The following PLAG1 variants were observed in gnomAD, a reference collection of about 807,000 sequenced individuals.
The protein encoded by PLAG1 is PLAG1 zinc finger, also known as zinc finger protein PLAG1.
PLAG1 carries 7 observed loss-of-function variants against 35.5 expected under a neutral mutation model. That is an observed-to-expected ratio of 0.20 (90% CI 0.11 to 0.37). The LOEUF (loss-of-function observed/expected upper bound fraction) is 0.37, where lower values mean the gene tolerates loss of function less well. Among genes scored for constraint, PLAG1 ranks in the 10% least tolerant of loss-of-function variants. PLAG1 has a pLI of 1.00. For synonymous variants in PLAG1, 229 were observed against 225.4 expected, an observed-to-expected ratio of 1.02 and a Z score of -0.14; for missense variants, 454 against 602.8, an observed-to-expected ratio of 0.75 and a Z score of 2.58.
rs938511819 is a variant in PLAG1 at position 56,181,659 on chromosome 8, G to A, written c.-321-2146C>T. ...TGGGTGCAACAAACCACCATAGCAC[G>A]TGTATACCTATGTAACAAACCTGCA... On this transcript the variant is annotated intron_variant, in intron 1 of 4. Transcript: ENST00000316981. Among the ~76,000 whole-genome samples the A allele has an allele frequency of 2.6e-5, 4 of 152,072 alleles. No homozygotes were observed. In the South Asian group the frequency reaches 6.2e-4, roughly 24 times the overall value.
chr8:56,167,635 T>C lies in PLAG1; in HGVS notation c.243-132A>G. ...AATGGAAACTGTTTAACTTAATATA[T>C]ACCACGAGGATAGTTAATATACCTA... On this transcript the variant is annotated intron_variant, in intron 4 of 4. Coordinates refer to ENST00000316981, the MANE Select transcript of PLAG1 (RefSeq NM_002655.3). The surrounding 1 kb of genome is among the most constrained non-coding windows in gnomAD (Gnocchi z 5.9). 1 of 643,268 alleles carries C rather than the reference T, an allele frequency of 1.6e-6. No individual in the cohort carries two copies. Among genetic ancestry groups the C allele is most frequent in the Non-Finnish European group, 2.7e-6 (1 of 377,046 alleles). 39.8% of individuals were successfully genotyped at this position (643,268 alleles called of 1,614,324 possible).
intron 2 of PLAG1, among the ~76,000 whole-genome samples, chr8:56,179,006 G>C (rs896238237): frequency 8.0e-5 from 10 of 125,160 alleles, no homozygotes; most frequent in Non-Finnish European, 1.6e-4. Context: ...ATAGGTAATA[G>C]GATCCCGCCC....
At chr8:56,196,386 A>G (rs1812366544) in intron 1 of PLAG1, among the ~76,000 whole-genome samples, 1 of 152,184 alleles carries the variant, frequency 6.6e-6, no homozygotes, top group Non-Finnish European at 1.5e-5. Context: ...AGAACCGGAT[A>G]TATGAGTGTG....
chr8:56,168,965 GT>G (rs1393568228), intron 3 of PLAG1, among the ~76,000 whole-genome samples: 3 of 152,186 alleles, frequency 2.0e-5, no homozygotes, highest in African/African-American at 7.2e-5. Context: ...CATTATACCA[GT>G]GTCATCATAC....
chr8:56,169,560 A>G (rs1434831852), intron 3 of PLAG1, among the ~76,000 whole-genome samples: 2 of 152,072 alleles, frequency 1.3e-5, no homozygotes, highest in Non-Finnish European at 2.9e-5. Flanking sequence ...TTCTTTTGAG[A>G]CAGAGTCTCA....
In PLAG1 at chr8:56,162,518, T is replaced by C. The variant is rs1811232516; in HGVS notation, c.*3725A>G. The C allele has an allele frequency of 1.4e-5, 3 of 213,342 alleles. No homozygotes were observed. The Admixed American group carries it at 1.8e-4, about 12-fold the overall frequency. The allele number at this position is 213,342 out of a possible 1,614,324, so 13.2% of individuals were successfully genotyped here. A position where few individuals can be genotyped will look rare whatever the true frequency, so the allele number is the denominator to read the frequency against. On this transcript the variant is annotated 3_prime_UTR_variant, in exon 5 of 5. Transcript: ENST00000316981. ...GCATTATATATCAAAGGCCTACATA[T>C]ATATCATCTAATGGCACTTGAATTA...
intron 2 of PLAG1, chr8:56,177,907 G>A: frequency 4.6e-6 from 1 of 218,320 alleles, no homozygotes; most frequent in Non-Finnish European, 7.8e-6. Context: ...GTGTCCCCAG[G>A]AGAGGCGTCA....
intron 1 of PLAG1, among the ~76,000 whole-genome samples, chr8:56,187,405 C>G (rs563469722): frequency 6.6e-6 from 1 of 152,202 alleles, no homozygotes; most frequent in African/African-American, 2.4e-5. Flanking sequence ...AGGCAAGAAT[C>G]AGAACTAGGC....
chr8:56,208,426 C>T (rs1289857098), intron 1 of PLAG1, among the ~76,000 whole-genome samples: 2 of 152,006 alleles, frequency 1.3e-5, no homozygotes, highest in Non-Finnish European at 2.9e-5. Flanking sequence ...TCAGAAACCA[C>T]AAGATGATGT....
At chr8:56,176,405 A>G (rs545412920) in intron 2 of PLAG1, among the ~76,000 whole-genome samples, 72 of 76,118 alleles carry the variant, frequency 9.5e-4, no homozygotes, top group South Asian at 3.9e-3. Flanking sequence ...TTCAACTGCT[A>G]TTTGGGGTGG....
rs1188983584 is a variant in PLAG1, at chr8:56,164,360, C to T, written c.*1883G>A. 4.6e-6 allele frequency: 1 copy of T among 217,876 alleles called. No homozygotes were observed. Among genetic ancestry groups the T allele is most frequent in the Non-Finnish European group, 9.2e-6 (1 of 108,314 alleles). 13.5% of individuals were successfully genotyped at this position (217,876 alleles called of 1,614,324 possible). ...TGTATTATATATATATATTGAAGCC[C>T]CCATTTACATTATTACAATTTACAT... is the stretch of plus-strand genomic sequence containing the variant. On this transcript the variant is annotated 3_prime_UTR_variant, in exon 5 of 5. Transcript: ENST00000316981.
chr8:56,173,129 C>T (rs1024402502), intron 2 of PLAG1, among the ~76,000 whole-genome samples: 1 of 152,056 alleles, frequency 6.6e-6, no homozygotes, highest in African/African-American at 2.4e-5. Context: ...TGTTCAATGA[C>T]ATTTTACAAT....
chr8:56,204,363 C>T (rs188688850), intron 1 of PLAG1, among the ~76,000 whole-genome samples: 10 of 151,476 alleles, frequency 6.6e-5, no homozygotes, highest in African/African-American at 9.7e-5. Context: ...AAAATCCAAC[C>T]GGTGTTATTT....
At chr8:56,206,548 T>C (rs1812707144) in intron 1 of PLAG1, among the ~76,000 whole-genome samples, 1 of 152,014 alleles carries the variant, frequency 6.6e-6, no homozygotes, top group Non-Finnish European at 1.5e-5. Flanking sequence ...CAAAGTAGTC[T>C]TACGGTAAAA....
intron 2 of PLAG1, among the ~76,000 whole-genome samples, chr8:56,171,965 A>G (rs1431365370): frequency 1.3e-5 from 2 of 152,224 alleles, no homozygotes; most frequent in African/African-American, 2.4e-5. Context: ...GTACAAGTAA[A>G]CATGAAAAGA....
At chr8:56,202,730 G>A (rs548631225) in intron 1 of PLAG1, among the ~76,000 whole-genome samples, 2 of 152,266 alleles carry the variant, frequency 1.3e-5, no homozygotes, top group East Asian at 3.9e-4. Flanking sequence ...CTGGTATACA[G>A]CTGAAAAGAT....
chr8:56,185,522 T>C (rs1346909051), intron 1 of PLAG1, among the ~76,000 whole-genome samples: 1 of 152,230 alleles, frequency 6.6e-6, no homozygotes, highest in East Asian at 1.9e-4. Context: ...TTAAGTGCAA[T>C]GACTCAAAAT....
chr8:56,204,601 T>C (rs532809744), intron 1 of PLAG1, among the ~76,000 whole-genome samples: 8 of 152,056 alleles, frequency 5.3e-5, no homozygotes, highest in Admixed American at 4.6e-4. Context: ...AGGGCTCTAA[T>C]GTCTAACCAC....
At chr8:56,199,732 C>T (rs74339886) in intron 1 of PLAG1, among the ~76,000 whole-genome samples, 8 of 152,054 alleles carry the variant, frequency 5.3e-5, no homozygotes, top group South Asian at 2.1e-4. Flanking sequence ...TCCACCACCC[C>T]CCCCGATCCT....
Sources: gnomAD v4.1 joint callset for allele counts (sites outside exome capture counted in the v4.1 genomes callset) on GRCh38, gnomAD v4.1.1 for gene constraint, Gnocchi (gnomAD v3.1) non-coding constraint, MANE v1.5 for transcripts, NCBI Gene and HGNC (gene_info 2026-07-23, HGNC 2026-07-21) for gene names.